The following LSAMP variants were observed in gnomAD, a reference collection of about 807,000 sequenced individuals.
LSAMP encodes limbic system-associated membrane protein.
In LSAMP, 7 loss-of-function variants were observed where a neutral mutation model predicts 38.6. The observed-to-expected ratio is 0.18, with a 90% CI of 0.10 to 0.34. LSAMP has a LOEUF of 0.34. Among genes scored for constraint, LSAMP ranks in the 10% least tolerant of loss-of-function variants. The pLI is 1.00. For synonymous variants in LSAMP, 154 were observed against 166.8 expected, an observed-to-expected ratio of 0.92 and a Z score of 0.59; for missense variants, 313 against 420.0, an observed-to-expected ratio of 0.75 and a Z score of 2.23.
chr3:116,082,974 A>G (rs1428138663), intron 2 of LSAMP, among the ~76,000 whole-genome samples: 1 of 152,176 alleles, frequency 6.6e-6, no homozygotes, highest in Non-Finnish European at 1.5e-5. Context: ...CCCTATGTAC[A>G]ACAAACCCCT....
At chr3:116,286,806 G>A (rs2047200406) in intron 1 of LSAMP, among the ~76,000 whole-genome samples, 1 of 151,306 alleles carries the variant, frequency 6.6e-6, no homozygotes, top group African/African-American at 2.4e-5. Context: ...ATCAGTAGAA[G>A]AGCCTACTAT....
intron 1 of LSAMP, among the ~76,000 whole-genome samples, chr3:116,132,383 G>A (rs1709154189): frequency 6.6e-6 from 1 of 152,108 alleles, no homozygotes; most frequent in South Asian, 2.1e-4. Context: ...CCTTAGCAAT[G>A]AGGATTGGGA....
At chr3:116,085,416 T>C (rs1042707594) in intron 2 of LSAMP, among the ~76,000 whole-genome samples, 2 of 152,238 alleles carry the variant, frequency 1.3e-5, no homozygotes, top group African/African-American at 4.8e-5. Context: ...CACCACTGAC[T>C]GCATTGGAAC....
At position 116,411,542 on chromosome 3, in the gene LSAMP, C is replaced by T. The variant is rs559064623; in HGVS notation, c.155+33335G>A. Among the ~76,000 whole-genome samples the T allele has an allele frequency of 3.1e-4, 46 of 146,670 alleles. 1 individual carries two copies. The South Asian group carries it at 8.2e-3, about 26-fold the overall frequency. The stretch of plus-strand genomic sequence containing the variant: ...ATCACAAGGACAAAAAACCAAACAC[C>T]GCATGTTCTCACTCATAGGTGGAAA... On this transcript the variant is annotated intron_variant, in intron 1 of 6. Coordinates refer to ENST00000490035, the MANE Select transcript of LSAMP (RefSeq NM_002338.5).
chr3:116,383,438 A>C (rs2048587798), intron 1 of LSAMP, among the ~76,000 whole-genome samples: 1 of 152,138 alleles, frequency 6.6e-6, no homozygotes, highest in Non-Finnish European at 1.5e-5. Context: ...GAAATGTAGA[A>C]TTCTATTATT....
intron 3 of LSAMP, among the ~76,000 whole-genome samples, chr3:115,964,614 C>G (rs75255590): frequency 0.011 from 1,617 of 152,018 alleles, 17 homozygotes; most frequent in African/African-American, 0.024. Context: ...ATTCATTATG[C>G]GCAGATGATA....
chr3:116,075,451 A>G (rs1369683772), intron 2 of LSAMP, among the ~76,000 whole-genome samples: 2 of 151,712 alleles, frequency 1.3e-5, no homozygotes, highest in African/African-American at 4.8e-5. Flanking sequence ...TCATTTCTTA[A>G]AAATTGTCTT....
intron 2 of LSAMP, among the ~76,000 whole-genome samples, chr3:116,028,232 G>A (rs1940839012): frequency 6.6e-6 from 1 of 152,140 alleles, no homozygotes; most frequent in South Asian, 2.1e-4. Context: ...ATGCCATCTA[G>A]TGAAACATCA....
At chr3:116,308,560 T>C (rs2047515517) in intron 1 of LSAMP, among the ~76,000 whole-genome samples, 1 of 151,792 alleles carries the variant, frequency 6.6e-6, no homozygotes, top group South Asian at 2.1e-4. Context: ...CTTTTTGGCC[T>C]GGAGGAACAA....
chr3:116,367,516 T>G (rs1196785025), intron 1 of LSAMP, among the ~76,000 whole-genome samples: 2 of 146,532 alleles, frequency 1.4e-5, no homozygotes. Flanking sequence ...TTTTTTGTCC[T>G]TTTTTGAGAC....
rs1022997073 is a variant in LSAMP, at chr3:116,382,850, T to A, written c.155+62027A>T. On this transcript the variant is annotated intron_variant, in intron 1 of 6. Coordinates refer to ENST00000490035, the MANE Select transcript of LSAMP (RefSeq NM_002338.5). Reference sequence around the variant, plus strand: ...GACTTCAAGGTGAAAAAGGGCAAAGTGCCTTACGATGTTGGGTTGCATTTA... The same window carrying A: ...GACTTCAAGGTGAAAAAGGGCAAAGAGCCTTACGATGTTGGGTTGCATTTA... 2.0e-4 allele frequency among the ~76,000 whole-genome samples: 31 copies of A among 152,114 alleles called. 1 individual carries two copies. Among genetic ancestry groups the A allele is most frequent in the African/African-American group, 7.0e-4 (29 of 41,414 alleles).
At chr3:116,097,611 T>C (rs774554071) in intron 1 of LSAMP, among the ~76,000 whole-genome samples, 6 of 152,184 alleles carry the variant, frequency 3.9e-5, no homozygotes, top group Non-Finnish European at 7.3e-5. Context: ...AATAAGTAAG[T>C]AATGAGACTG....
At chr3:116,314,868 T>C (rs953266988) in intron 1 of LSAMP, among the ~76,000 whole-genome samples, 10 of 152,204 alleles carry the variant, frequency 6.6e-5, no homozygotes, top group Non-Finnish European at 1.3e-4. Context: ...TTCCCAGGAA[T>C]GAGAATGCAA....
chr3:116,011,851 T>C (rs765600989), intron 3 of LSAMP, among the ~76,000 whole-genome samples: 10 of 152,214 alleles, frequency 6.6e-5, no homozygotes, highest in Admixed American at 1.3e-4. Flanking sequence ...TTGGAACTTT[T>C]CCTCTGGCCC....
chr3:116,011,196 T>A (rs558521532), intron 3 of LSAMP, among the ~76,000 whole-genome samples: 14 of 152,272 alleles, frequency 9.2e-5, no homozygotes, highest in African/African-American at 2.9e-4. Flanking sequence ...TGTGAGCCAC[T>A]GCACCCGGCC....
chr3:115,859,753 AT>A (rs1426813313), intron 3 of LSAMP, among the ~76,000 whole-genome samples: 3 of 152,194 alleles, frequency 2.0e-5, no homozygotes, highest in Non-Finnish European at 4.4e-5. Context: ...ATTCATTATG[AT>A]TTGCATTTTT....
At position 116,140,125 on chromosome 3, in the gene LSAMP, T is replaced by C. The variant is rs115647302; in HGVS notation, c.156-53569A>G. ...TAGGTCCTATAATCTTAAAGTCTTA[T>C]GGCATGACAGAAAGGGTTTATGTAG... is the stretch of plus-strand genomic sequence containing the variant. On this transcript the variant is annotated intron_variant, in intron 1 of 6. Transcript: ENST00000490035. Among the ~76,000 whole-genome samples, 263 of 152,152 alleles carry C rather than the reference T, an allele frequency of 1.7e-3. 1 individual carries two copies. The highest frequency in any genetic ancestry group is 6.0e-3 in the African/African-American group (251 of 41,554).
intron 1 of LSAMP, among the ~76,000 whole-genome samples, chr3:116,142,057 G>A (rs1335948149): frequency 6.6e-6 from 1 of 151,990 alleles, no homozygotes; most frequent in Non-Finnish European, 1.5e-5. Context: ...TCATGCTCAC[G>A]AGTATAGTAT....
At chr3:116,364,108 A>G (rs2048324634) in intron 1 of LSAMP, among the ~76,000 whole-genome samples, 1 of 43,484 alleles carries the variant, frequency 2.3e-5, no homozygotes, top group Admixed American at 2.6e-4. Context: ...TTTATCTAGA[A>G]AACCCCATTG....
Sources: allele counts gnomAD v4.1 joint callset (sites outside exome capture counted in the v4.1 genomes callset), GRCh38; gene constraint gnomAD v4.1.1; transcripts MANE v1.5; gene names NCBI Gene and HGNC (gene_info 2026-07-23, HGNC 2026-07-21).